The following UTS2 variants were observed in gnomAD, a reference collection of about 807,000 sequenced individuals.
UTS2 encodes the protein urotensin 2, also known as urotensin-2.
In UTS2, 10 loss-of-function variants were observed where a neutral mutation model predicts 12.6. The ratio of observed to expected loss-of-function variants is 0.80; its 90% CI spans 0.49 to 1.35. The LOEUF is 1.35. Among genes scored for constraint, UTS2 ranks in the 40% most tolerant of loss-of-function variants. UTS2 has a pLI of 0.00. For missense variants in UTS2, 142 were observed against 143.2 expected (o/e 0.99, Z 0.04); for synonymous variants, 52 against 50.0 (o/e 1.04, Z -0.17).
the UTS2 span, among the ~76,000 whole-genome samples, chr1:7,899,301 A>C: frequency 6.6e-6 from 1 of 152,194 alleles, no homozygotes; most frequent in African/African-American, 2.4e-5. Flanking sequence ...AGGACACAGA[A>C]AGAAAACAGA....
chr1:7,911,773 T>C, the UTS2 span, among the ~76,000 whole-genome samples: 400 of 151,988 alleles, frequency 2.6e-3, 4 homozygotes, highest in African/African-American at 9.3e-3. Flanking sequence ...TGGTGGCAGG[T>C]GCCTGTAATC....
At chr1:7,901,913 T>A in the UTS2 span, among the ~76,000 whole-genome samples, 2 of 152,118 alleles carry the variant, frequency 1.3e-5, no homozygotes, top group African/African-American at 4.8e-5. Context: ...CAAACTCCAA[T>A]GTCCTAAGCC....
chr1:7,860,124 A>T, the UTS2 span, among the ~76,000 whole-genome samples: 18 of 152,210 alleles, frequency 1.2e-4, no homozygotes, highest in Admixed American at 1.2e-3. Flanking sequence ...TGTGTAGGGT[A>T]CTAGGGATGT....
the UTS2 span, among the ~76,000 whole-genome samples, chr1:7,906,449 G>GAGAAAGAAATAAAGAAAGAA: frequency 1.4e-5 from 1 of 73,226 alleles, no homozygotes; most frequent in Admixed American, 1.7e-4. Flanking sequence ...GAAAGAAAAA[G>GAGAAAGAAATAAAGAAAGAA]AGAAAGAAAG....
the UTS2 span, among the ~76,000 whole-genome samples, chr1:7,873,218 A>G: frequency 3.9e-5 from 6 of 152,238 alleles, no homozygotes; most frequent in Non-Finnish European, 5.9e-5. Context: ...TAGGATGTAC[A>G]AGGAGATGAC....
At chr1:7,887,102 G>GC in the UTS2 span, among the ~76,000 whole-genome samples, 2 of 140,040 alleles carry the variant, frequency 1.4e-5, no homozygotes, top group African/African-American at 5.2e-5. Flanking sequence ...TGGCCAGGCT[G>GC]TTTTTTCTTT....
the UTS2 span, among the ~76,000 whole-genome samples, chr1:7,886,628 C>G: frequency 6.6e-6 from 1 of 152,206 alleles, no homozygotes; most frequent in Admixed American, 6.5e-5. Context: ...TTGGCATTAT[C>G]CCAGAACATA....
chr1:7,887,685 G>A, the UTS2 span, among the ~76,000 whole-genome samples: 3 of 150,076 alleles, frequency 2.0e-5, no homozygotes, highest in Non-Finnish European at 4.4e-5. Context: ...AGGATTGCTT[G>A]AGTCCAAGAG....
the UTS2 span, among the ~76,000 whole-genome samples, chr1:7,911,683 C>A: frequency 6.6e-6 from 1 of 152,130 alleles, no homozygotes; most frequent in Non-Finnish European, 1.5e-5. Flanking sequence ...CAGTGGATCA[C>A]CTGAGGTCAG....
intron 2 of UTS2, among the ~76,000 whole-genome samples, chr1:7,850,339 G>A (rs1424248711): frequency 6.6e-6 from 1 of 151,984 alleles, no homozygotes; most frequent in East Asian, 1.9e-4. Context: ...TGGCCACGGG[G>A]GAATAAGCTG....
chr1:7,865,855 G>T, the UTS2 span, among the ~76,000 whole-genome samples: 1 of 152,194 alleles, frequency 6.6e-6, no homozygotes, highest in Non-Finnish European at 1.5e-5. Flanking sequence ...AGGATCATTT[G>T]AGCCCAGGAG....
At chr1:7,866,884 T>G in the UTS2 span, among the ~76,000 whole-genome samples, 3 of 151,880 alleles carry the variant, frequency 2.0e-5, no homozygotes, top group East Asian at 5.9e-4. The surrounding 1 kb of genome is among the most constrained non-coding windows in gnomAD (Gnocchi z 4.5). Flanking sequence ...GCCTTTGTTT[T>G]TTGAGACAGA....
At chr1:7,882,401 G>A in the UTS2 span, among the ~76,000 whole-genome samples, 1 of 152,048 alleles carries the variant, frequency 6.6e-6, no homozygotes, top group African/African-American at 2.4e-5. Flanking sequence ...AACTAGATGT[G>A]TATCTCTCCC....
upstream of UTS2, among the ~76,000 whole-genome samples, chr1:7,857,144 G>GAA (rs1491070160): frequency 1.2e-4 from 18 of 149,784 alleles, no homozygotes; most frequent in South Asian, 2.1e-4. Flanking sequence ...AGGAAGGAAG[G>GAA]TGAAGCATGT....
At chr1:7,890,124 T>TAAAA in the UTS2 span, among the ~76,000 whole-genome samples, 8 of 135,570 alleles carry the variant, frequency 5.9e-5, no homozygotes, top group African/African-American at 1.6e-4. Flanking sequence ...AGCCTCCATC[T>TAAAA]AAAAAAAAAA....
chr1:7,889,680 C>T, the UTS2 span, among the ~76,000 whole-genome samples: 37,729 of 151,710 alleles, frequency 0.25, 5,136 homozygotes, highest in East Asian at 0.48. Flanking sequence ...AAAAATTAGC[C>T]GGGAGTAGTG....
chr1:7,886,801 C>T, the UTS2 span, among the ~76,000 whole-genome samples: 1 of 152,022 alleles, frequency 6.6e-6, no homozygotes, highest in Non-Finnish European at 1.5e-5. Context: ...GCCTGTAATG[C>T]CAGCACTTTG....
the UTS2 span, among the ~76,000 whole-genome samples, chr1:7,893,101 T>C: frequency 5.3e-5 from 8 of 152,232 alleles, no homozygotes; most frequent in African/African-American, 1.4e-4. Context: ...AATAAAGTGA[T>C]AATGAATGTT....
chr1:7,853,740 G>T (rs1166476067), upstream of UTS2, among the ~76,000 whole-genome samples: 5 of 152,236 alleles, frequency 3.3e-5, no homozygotes, highest in African/African-American at 1.2e-4. Context: ...TTTCCAGAAT[G>T]TGGCCTCTAC....
Sources: gnomAD v4.1 joint callset for allele counts (sites outside exome capture counted in the v4.1 genomes callset) on GRCh38, gnomAD v4.1.1 for gene constraint, Gnocchi (gnomAD v3.1) non-coding constraint, MANE v1.5 for transcripts, NCBI Gene and HGNC (gene_info 2026-07-23, HGNC 2026-07-21) for gene names.